Variants in SVOPL observed in about 807,000 individuals in gnomAD.
The protein encoded by SVOPL is SVOP like.
SVOPL carries 60 observed loss-of-function variants against 61.0 expected under a neutral mutation model. That is an observed-to-expected ratio of 0.98 (90% CI 0.80 to 1.22). The LOEUF (loss-of-function observed/expected upper bound fraction) is 1.22, where lower values mean the gene tolerates loss of function less well. Among genes scored for constraint, SVOPL ranks in the 50% most tolerant of loss-of-function variants. The pLI is 0.00. For missense variants in SVOPL, 662 were observed against 643.9 expected, an observed-to-expected ratio of 1.03 and a Z score of -0.30; for synonymous variants, 279 against 250.0, an observed-to-expected ratio of 1.12 and a Z score of -1.09.
At chr7:138,617,288 AG>A (rs2116851555) in intron 14 of SVOPL, among the ~76,000 whole-genome samples, 1 of 152,350 alleles carries the variant, frequency 6.6e-6, no homozygotes, top group East Asian at 1.9e-4. Flanking sequence ...TCATTTTAAA[AG>A]AGACTTTTGT....
Position 138,629,772 on chromosome 7 carries a change from C to A in SVOPL, c.863+277G>T, listed in dbSNP as rs150294793. Among the ~76,000 whole-genome samples, 720 of 152,174 alleles carry A rather than the reference C, an allele frequency of 4.7e-3. 6 individuals are homozygous for A. Among genetic ancestry groups the A allele is most frequent in the African/African-American group, 0.017 (699 of 41,492 alleles). On this transcript the variant is annotated intron_variant, in intron 10 of 15. Coordinates refer to ENST00000674285, the MANE Select transcript of SVOPL (RefSeq NM_001139456.2). ...TTTCTGTCATGTGGTGAGAAAAAGA[C>A]CAGGCTGCAAAAGTTAGGAAGTGAA...
At chr7:138,678,375 C>A (rs1399799692) in intron 3 of SVOPL, 59 bp downstream of exon 3, 1 of 1,518,152 alleles carries the variant, frequency 6.6e-7, no homozygotes, top group African/African-American at 1.4e-5. Flanking sequence ...CAGAATAAAT[C>A]TCTTCAAATA....
intron 14 of SVOPL, among the ~76,000 whole-genome samples, chr7:138,602,585 T>C (rs2116762396): frequency 6.6e-6 from 1 of 152,214 alleles, no homozygotes; most frequent in East Asian, 1.9e-4. Flanking sequence ...TGATGGCCTT[T>C]AAGCCTCACT....
intron 7 of SVOPL, among the ~76,000 whole-genome samples, 182 bp downstream of exon 7, chr7:138,656,266 T>C (rs1339219267): frequency 6.6e-6 from 1 of 152,234 alleles, no homozygotes; most frequent in Non-Finnish European, 1.5e-5. Context: ...GACTTTAGTA[T>C]AGTGTAAACA....
intron 9 of SVOPL, among the ~76,000 whole-genome samples, chr7:138,634,197 T>A (rs1217023157): frequency 2.0e-5 from 3 of 152,144 alleles, no homozygotes; most frequent in Non-Finnish European, 4.4e-5. Flanking sequence ...ATCCTGTTCT[T>A]CCTCATCCTA....
intron 9 of SVOPL, among the ~76,000 whole-genome samples, chr7:138,637,450 A>ATC (rs1800530856): frequency 1.0e-4 from 1 of 9,950 alleles, no homozygotes; most frequent in Non-Finnish European, 1.6e-4. Flanking sequence ...ATAGATAGAT[A>ATC]GATAGATATA....
At chr7:138,631,489 C>G (rs1310323176) in intron 9 of SVOPL, among the ~76,000 whole-genome samples, 2 of 152,230 alleles carry the variant, frequency 1.3e-5, no homozygotes, top group African/African-American at 4.8e-5. Context: ...CTATTCTTCC[C>G]AATCTGACCA....
intron 14 of SVOPL, among the ~76,000 whole-genome samples, chr7:138,605,640 C>CA (rs1159063438): frequency 0.043 from 3,567 of 83,858 alleles, 94 homozygotes; most frequent in South Asian, 0.064. Context: ...CTAACCTGGG[C>CA]AAAAAAAAAA....
At chr7:138,628,084 C>A (rs1799972250) in intron 11 of SVOPL, 74 bp downstream of exon 11, 8 of 1,551,306 alleles carry the variant, frequency 5.2e-6, no homozygotes, top group Non-Finnish European at 7.1e-6. Flanking sequence ...CAGGGTCACA[C>A]TTCTCTCAGC....
Position 138,678,533 on chromosome 7 carries a change from C to G in SVOPL, c.83-8G>C, listed in dbSNP as rs1434695469. On this transcript the variant is annotated splice_polypyrimidine_tract_variant and splice_region_variant and intron_variant, in intron 2 of 15. Coordinates refer to ENST00000674285, the MANE Select transcript of SVOPL (RefSeq NM_001139456.2). ...CGGTGAACGTCTTTGGCTCTAACAA[C>G]GAAAGACAAAGTGGAAAAAATTGCT... 4.5e-6 allele frequency: 7 copies of G among 1,551,614 alleles called. No individual in the cohort carries two copies. Among genetic ancestry groups the G allele is most frequent in the South Asian group, 1.2e-5 (1 of 83,998 alleles).
At chr7:138,645,911 G>GT (rs932454881) in intron 8 of SVOPL, among the ~76,000 whole-genome samples, 5 of 152,132 alleles carry the variant, frequency 3.3e-5, no homozygotes, top group African/African-American at 1.2e-4. Context: ...CACCTCCCGG[G>GT]TTCAAGCAAT....
chr7:138,695,592 G>T (rs1430457348), intron 1 of SVOPL, among the ~76,000 whole-genome samples: 4 of 152,120 alleles, frequency 2.6e-5, no homozygotes, highest in African/African-American at 9.7e-5. Context: ...ATAAGAGAGG[G>T]CTCCTTCTCT....
chr7:138,676,671 G>A (rs1802568639), intron 3 of SVOPL, among the ~76,000 whole-genome samples: 1 of 152,176 alleles, frequency 6.6e-6, no homozygotes, highest in African/African-American at 2.4e-5. Context: ...ATTACAGCAG[G>A]TGTCTCTGGT....
intron 1 of SVOPL, among the ~76,000 whole-genome samples, chr7:138,695,804 C>T (rs766535164): frequency 8.5e-5 from 13 of 152,154 alleles, no homozygotes; most frequent in South Asian, 6.2e-4. Flanking sequence ...TATTTTGGGG[C>T]GGAGTCTCAC....
intron 9 of SVOPL, among the ~76,000 whole-genome samples, chr7:138,631,962 A>ACG (rs1469188475): frequency 7.2e-6 from 1 of 138,958 alleles, no homozygotes; most frequent in Admixed American, 7.0e-5. Context: ...CTCTGATATC[A>ACG]CACACACACA....
chr7:138,611,733 A>G, intron 14 of SVOPL, among the ~76,000 whole-genome samples: 1 of 19,504 alleles, frequency 5.1e-5, no homozygotes, highest in Non-Finnish European at 1.5e-4. Flanking sequence ...TGAAAATTAA[A>G]GCTAGATAGG....
intron 14 of SVOPL, among the ~76,000 whole-genome samples, chr7:138,599,390 G>A (rs1798419982): frequency 6.6e-6 from 1 of 152,074 alleles, no homozygotes; most frequent in African/African-American, 2.4e-5. Context: ...GATCAGTAAA[G>A]CAATGAGTCA....
At position 138,628,659 on chromosome 7, in the gene SVOPL, A is replaced by T. The variant is rs1007645610; in HGVS notation, c.864-296T>A. On this transcript the variant is annotated intron_variant, in intron 10 of 15. Transcript: ENST00000674285. ...GGCTGTACTAATTTGAACTCCAGTC[A>T]GCTGTGTATGAAAGTTCCAGTTACT... 2.0e-5 allele frequency among the ~76,000 whole-genome samples: 3 copies of T among 152,206 alleles called. No homozygotes were observed. In the East Asian group the frequency reaches 5.8e-4, roughly 29 times the overall value.
rs1446679641 is a variant in SVOPL at position 138,627,375 on chromosome 7, GGAA to G, written c.1153_1155del (p.Phe385del). ...CTTGAAGTGCAAATGTTGAGGAGAA[GGAA>G]GAATAAAGCCGTGCATCCCATGGTA... On this transcript the variant is annotated inframe_deletion, in exon 12 of 16. Transcript: ENST00000674285. 1 of 1,613,518 alleles carries G rather than the reference GGAA, an allele frequency of 6.2e-7. No individual in the cohort carries two copies.
Sources: gnomAD v4.1 joint callset for allele counts (sites outside exome capture counted in the v4.1 genomes callset) on GRCh38, gnomAD v4.1.1 for gene constraint, MANE v1.5 for transcripts, NCBI Gene and HGNC (gene_info 2026-07-23, HGNC 2026-07-21) for gene names.